Variants in KIAA1217 observed in about 807,000 individuals in gnomAD.
The protein encoded by KIAA1217 is sickle tail protein homolog.
Under a neutral mutation model 163.9 loss-of-function variants are expected in KIAA1217, and 88 were observed. The observed-to-expected ratio is 0.54, with a 90% confidence interval of 0.45 to 0.64. KIAA1217 has a LOEUF of 0.64. Ranked by LOEUF, KIAA1217 falls within the 30% of genes least tolerant of loss-of-function variation. KIAA1217 has a pLI of 0.00. For missense variants in KIAA1217, 2,372 were observed against 2,475.0 expected (o/e 0.96, Z 0.88); for synonymous variants, 903 against 923.1 (o/e 0.98, Z 0.39).
At chr10:23,726,059 T>A (rs1483628535) in intron 1 of KIAA1217, among the ~76,000 whole-genome samples, 1 of 152,204 alleles carries the variant, frequency 6.6e-6, no homozygotes, top group African/African-American at 2.4e-5. Context: ...TAGTGTTTTA[T>A]GGTGTTTGCA....
At chr10:23,928,280 C>T (rs572983310) in intron 1 of KIAA1217, among the ~76,000 whole-genome samples, 1 of 152,170 alleles carries the variant, frequency 6.6e-6, no homozygotes, top group African/African-American at 2.4e-5. Context: ...GTTTCTAGCT[C>T]TTTCTTTGAA....
chr10:24,464,073 G>T (rs1206782477), intron 5 of KIAA1217, among the ~76,000 whole-genome samples: 2 of 152,176 alleles, frequency 1.3e-5, no homozygotes, highest in Non-Finnish European at 2.9e-5. Context: ...CTGAGATAAA[G>T]CCACTGGGTC....
At chr10:24,496,267 T>C (rs2066767611) in intron 8 of KIAA1217, among the ~76,000 whole-genome samples, 1 of 152,238 alleles carries the variant, frequency 6.6e-6, no homozygotes, top group African/African-American at 2.4e-5. Flanking sequence ...CCTGACGGGA[T>C]TTGTTGTTTT....
At chr10:23,797,743 G>A (rs1039573762) in intron 1 of KIAA1217, among the ~76,000 whole-genome samples, 5 of 152,132 alleles carry the variant, frequency 3.3e-5, no homozygotes, top group African/African-American at 1.2e-4. Context: ...CTGCCCCTAT[G>A]ATCCCATCAC....
At chr10:24,443,338 CAG>C (rs2060655828) in intron 5 of KIAA1217, among the ~76,000 whole-genome samples, 1 of 152,170 alleles carries the variant, frequency 6.6e-6, no homozygotes, top group Non-Finnish European at 1.5e-5. Flanking sequence ...AGTAGCAGAA[CAG>C]AGATTTAAAC....
chr10:24,526,953 A>G (rs1370024124), intron 13 of KIAA1217, among the ~76,000 whole-genome samples: 1 of 152,140 alleles, frequency 6.6e-6, no homozygotes, highest in Non-Finnish European at 1.5e-5. Flanking sequence ...TGATTCAATG[A>G]TCTTTGCCAA....
chr10:24,377,917 A>T lies in KIAA1217; in HGVS notation c.355-2952A>T, dbSNP rs374670225. Among the ~76,000 whole-genome samples the T allele has an allele frequency of 3.5e-4, 53 of 152,240 alleles. No individual in the cohort carries two copies. In the South Asian group the frequency reaches 0.011, roughly 31 times the overall value. ...CAAACTAGTGCAAGAACAAAAACTG[A>T]ATTAATTGAAGGAATTCATTGGAAG... On this transcript the variant is annotated intron_variant, in intron 2 of 20. Transcript: ENST00000376454.
intron 10 of KIAA1217, among the ~76,000 whole-genome samples, chr10:24,513,784 C>CT: frequency 1.0e-5 from 1 of 99,560 alleles, no homozygotes; most frequent in South Asian, 2.9e-4. Flanking sequence ...GATCCTGTCT[C>CT]TTAAAAAAAA....
At chr10:23,715,961 C>T (rs538691888) in intron 1 of KIAA1217, among the ~76,000 whole-genome samples, 11 of 152,126 alleles carry the variant, frequency 7.2e-5, no homozygotes, top group Non-Finnish European at 1.5e-4. Context: ...AGTTAATGGT[C>T]GAATTTTTGC....
chr10:23,901,379 G>C (rs1841947504), intron 1 of KIAA1217, among the ~76,000 whole-genome samples: 1 of 151,962 alleles, frequency 6.6e-6, no homozygotes, highest in Non-Finnish European at 1.5e-5. Flanking sequence ...ACTTTAACTG[G>C]CTTCAAGTTT....
At chr10:24,147,372 T>G (rs1228264182) in intron 2 of KIAA1217, among the ~76,000 whole-genome samples, 2 of 152,294 alleles carry the variant, frequency 1.3e-5, no homozygotes, top group Non-Finnish European at 2.9e-5. Flanking sequence ...ATATTGTCAA[T>G]GTTTAGAGAG....
intron 1 of KIAA1217, among the ~76,000 whole-genome samples, chr10:23,790,963 G>C (rs1835919478): frequency 6.6e-6 from 1 of 151,912 alleles, no homozygotes; most frequent in African/African-American, 2.4e-5. Flanking sequence ...TCAAACTCCT[G>C]GCCTCAAGTG....
In KIAA1217 at chr10:23,871,821, C is replaced by G. The variant is rs557220255; in HGVS notation, c.-320-135404C>G. ...TCAGTAGCAACTAAAACCATTTGCT[C>G]ATAGCATCAAGAGTAATAATAGCAT... On this transcript the variant is annotated intron_variant, in intron 1 of 18. Coordinates refer to the KIAA1217 transcript ENST00000376462. Among the ~76,000 whole-genome samples, 9 of 152,162 alleles carry G rather than the reference C, an allele frequency of 5.9e-5. No individual in the cohort carries two copies. In the South Asian group the frequency reaches 1.9e-3, roughly 32 times the overall value.
chr10:24,448,988 C>T (rs2061183919), intron 5 of KIAA1217, among the ~76,000 whole-genome samples: 1 of 152,158 alleles, frequency 6.6e-6, no homozygotes, highest in South Asian at 2.1e-4. Context: ...TGCCTGTGTT[C>T]TATAATTTGC....
At chr10:24,537,680 G>A (rs1306993282) in intron 17 of KIAA1217, among the ~76,000 whole-genome samples, 2 of 152,076 alleles carry the variant, frequency 1.3e-5, no homozygotes, top group Non-Finnish European at 2.9e-5. Flanking sequence ...ACATACAAAT[G>A]TGTATTTGCA....
rs1265208177 is a variant in KIAA1217, at chr10:24,535,509, TTATACCTGC to T, written c.3415-1264_3415-1256del. Among the ~76,000 whole-genome samples, 386 of 152,338 alleles carry T rather than the reference TTATACCTGC, an allele frequency of 2.5e-3. 6 individuals are homozygous for T. Among genetic ancestry groups the T allele is most frequent in the East Asian group, 2.7e-3 (14 of 5,182 alleles). The stretch of plus-strand genomic sequence containing the variant: ...GTGGTCTTTCACCAGGCACAGTGGC[TTATACCTGC>T]AATCCCAGCACTTTGGGAGGCTGAG... On this transcript the variant is annotated intron_variant, in intron 16 of 20. Transcript: ENST00000376454.
At position 23,837,641 on chromosome 10, in the gene KIAA1217, C is replaced by T. The variant is rs111397811; in HGVS notation, c.-321+142407C>T. On this transcript the variant is annotated intron_variant, in intron 1 of 18. Transcript: ENST00000376462. ...CTCAACTTCCTGGGCTGAATCAGTC[C>T]TCCCATCTCAGCCTCTCCAGTAGCT... Among the ~76,000 whole-genome samples, 734 of 152,224 alleles carry T rather than the reference C, an allele frequency of 4.8e-3. 10 individuals carry two copies. The highest frequency in any genetic ancestry group is 0.016 in the African/African-American group (663 of 41,558).
rs754436643 is a variant in KIAA1217 at position 24,219,759 on chromosome 10, C to A, written c.204C>A (p.Thr68=). 1.7e-5 allele frequency: 28 copies of A among 1,613,646 alleles called. No individual in the cohort carries two copies. In the South Asian group the frequency reaches 2.0e-4, roughly 11 times the overall value. Residue 68 remains threonine (T), a synonymous_variant, in exon 2 of 21, where the codon ACC becomes ACA. Transcript: ENST00000376454. ...KSSRNIPRRH[T]LGGPRSSKEI... is the part of the protein sequence containing the mutation. ...CCCGCAATATCCCAAGGAGACACACCCTAGGGGGGCCCCGAAGTTCCAAGG... is the reference window on the plus strand; with the variant it reads ...CCCGCAATATCCCAAGGAGACACACACTAGGGGGGCCCCGAAGTTCCAAGG...
chr10:23,980,128 T>C (rs1404437232), intron 1 of KIAA1217, among the ~76,000 whole-genome samples: 1 of 152,178 alleles, frequency 6.6e-6, no homozygotes, highest in African/African-American at 2.4e-5. Context: ...GATCCTTTCC[T>C]CCTGCTGTTT....
Sources: allele counts gnomAD v4.1 joint callset (sites outside exome capture counted in the v4.1 genomes callset), GRCh38; gene constraint gnomAD v4.1.1; transcripts MANE v1.5; gene names NCBI Gene and HGNC (gene_info 2026-07-23, HGNC 2026-07-21).